ANXA4: variants seen among roughly 807,000 people sequenced by gnomAD.
ANXA4 encodes 35-beta calcimedin.
In ANXA4, 39 loss-of-function variants were observed where a neutral mutation model predicts 49.8. The ratio of observed to expected loss-of-function variants is 0.78; its 90% CI spans 0.61 to 1.02. The LOEUF (loss-of-function observed/expected upper bound fraction) is 1.02. Ranked by LOEUF, ANXA4 falls within the 50% of genes least tolerant of loss-of-function variation. ANXA4 has a pLI of 0.00. For missense variants in ANXA4, 360 were observed against 410.1 expected, an observed-to-expected ratio of 0.88 and a Z score of 1.05; for synonymous variants, 134 against 152.5, an observed-to-expected ratio of 0.88 and a Z score of 0.89.
chr2:69,796,349 TC>T, intron 3 of ANXA4, among the ~76,000 whole-genome samples: 1 of 152,272 alleles, frequency 6.6e-6, no homozygotes, highest in South Asian at 2.1e-4. Context: ...CTCCTGGGGC[TC>T]CTCCCAGTCC....
At chr2:69,742,277 C>T (rs1304891249) in intron 1 of ANXA4, 102 bp downstream of exon 1, 1 of 152,106 alleles carries the variant, frequency 6.6e-6, no homozygotes, top group Non-Finnish European at 1.5e-5. Context: ...CGCGCTGCAC[C>T]CCAGAGTGGG....
intron 2 of ANXA4, among the ~76,000 whole-genome samples, chr2:69,659,871 G>A (rs535058635): frequency 6.6e-6 from 1 of 152,164 alleles, no homozygotes. Flanking sequence ...GTGGCAGTGG[G>A]GGCTGGGGAG....
At chr2:69,719,439 A>AC (rs1669759669) in intron 2 of ANXA4, among the ~76,000 whole-genome samples, 1 of 150,352 alleles carries the variant, frequency 6.7e-6, no homozygotes. Context: ...ATTTTTAAAA[A>AC]TTATTATTAT....
chr2:69,708,161 T>A (rs1678557114), intron 2 of ANXA4, among the ~76,000 whole-genome samples: 1 of 152,186 alleles, frequency 6.6e-6, no homozygotes, highest in African/African-American at 2.4e-5. Context: ...ACAGCTCAGG[T>A]CCTGCAAGTA....
At position 69,826,396 on chromosome 2, in the gene ANXA4, G is replaced by C. The variant is rs1394690220; in HGVS notation, c.*881G>C. 1 of 152,572 alleles carries C rather than the reference G, an allele frequency of 6.6e-6. No individual in the cohort carries two copies. The highest frequency in any genetic ancestry group is 1.9e-4 in the East Asian group (1 of 5,204). The allele number at this position is 152,572 out of a possible 1,614,324, so 9.5% of individuals were successfully genotyped here. A position where few individuals can be genotyped will look rare whatever the true frequency, so the allele number is the denominator to read the frequency against. On this transcript the variant is annotated 3_prime_UTR_variant, in exon 13 of 13. Coordinates refer to ENST00000394295, the MANE Select transcript of ANXA4 (RefSeq NM_001153.5). ...GATTGTAGTAATTTCTATTTGCACT[G>C]TGCCTTTCAACTCCAGAAACATTCT...
chr2:69,677,246 T>C (rs1473016250), intron 2 of ANXA4, among the ~76,000 whole-genome samples: 1 of 152,212 alleles, frequency 6.6e-6, no homozygotes, highest in Non-Finnish European at 1.5e-5. Flanking sequence ...TATAATTTTT[T>C]TTGAGACAGA....
chr2:69,790,929 A>T (rs552027212), intron 3 of ANXA4, among the ~76,000 whole-genome samples: 1 of 152,352 alleles, frequency 6.6e-6, no homozygotes, highest in African/African-American at 2.4e-5. Context: ...GTTAAAAATA[A>T]TCTATGATAG....
rs189070391 is a variant in ANXA4 at position 69,794,656 on chromosome 2, G to T, written c.97+6515G>T. ...CAGCTCACTGCAAGCTCTGCCTTCC[G>T]AGTTCACGCCATTCTCTTGCCTCAG... On this transcript the variant is annotated intron_variant, in intron 3 of 12. Transcript: ENST00000394295. Among the ~76,000 whole-genome samples, 481 of 152,132 alleles carry T rather than the reference G, an allele frequency of 3.2e-3. 2 individuals are homozygous for T. Among genetic ancestry groups the T allele is most frequent in the African/African-American group, 0.01 (433 of 41,492 alleles).
intron 1 of ANXA4, chr2:69,652,923 G>T (rs1160109202): frequency 6.6e-6 from 1 of 152,190 alleles, no homozygotes; most frequent in African/African-American, 2.4e-5. Flanking sequence ...ATAGAGTGGG[G>T]TTCCTGAAAT....
intron 1 of ANXA4, among the ~76,000 whole-genome samples, chr2:69,759,360 A>G (rs1671183537): frequency 6.6e-6 from 1 of 152,232 alleles, no homozygotes; most frequent in Non-Finnish European, 1.5e-5. Context: ...CAGAAAGTAG[A>G]TGGTAAGTTT....
At chr2:69,795,478 A>G (rs987503255) in intron 3 of ANXA4, among the ~76,000 whole-genome samples, 1 of 152,122 alleles carries the variant, frequency 6.6e-6, no homozygotes, top group Non-Finnish European at 1.5e-5. Context: ...TCCATTCCCC[A>G]TTGGGTTTTT....
rs181971372 is a variant in ANXA4, at chr2:69,750,406, G to T, written c.-47+8231G>T. Among the ~76,000 whole-genome samples, 458 of 152,002 alleles carry T rather than the reference G, an allele frequency of 3.0e-3. 5 individuals carry two copies. Among genetic ancestry groups the T allele is most frequent in the Admixed American group, 8.4e-3 (128 of 15,258 alleles). On this transcript the variant is annotated intron_variant, in intron 1 of 12. Transcript: ENST00000394295. Reference sequence around the variant, plus strand: ...GGATGGTGGAGAAAGTTCTGCTTTTGGTTTTGTTTTGTTTTTGTTTTTCTA... The same window carrying T: ...GGATGGTGGAGAAAGTTCTGCTTTTTGTTTTGTTTTGTTTTTGTTTTTCTA...
chr2:69,757,395 C>A (rs1224336637), intron 1 of ANXA4, among the ~76,000 whole-genome samples: 4 of 145,750 alleles, frequency 2.7e-5, no homozygotes, highest in Non-Finnish European at 4.5e-5. Context: ...CCCAGCCTCC[C>A]TAGTAGCTGG....
At chr2:69,822,645 G>A (rs1387614155) in intron 12 of ANXA4, among the ~76,000 whole-genome samples, 3 of 152,202 alleles carry the variant, frequency 2.0e-5, no homozygotes, top group East Asian at 3.9e-4. Context: ...AATATACTAC[G>A]TGCAATAAAT....
intron 2 of ANXA4, among the ~76,000 whole-genome samples, chr2:69,706,957 A>C (rs2105399479): frequency 6.6e-6 from 1 of 152,284 alleles, no homozygotes; most frequent in East Asian, 1.9e-4. Flanking sequence ...TACATTGTAG[A>C]TATTCTGGTG....
At chr2:69,713,246 T>C (rs1260221971) in intron 2 of ANXA4, among the ~76,000 whole-genome samples, 1 of 152,158 alleles carries the variant, frequency 6.6e-6, no homozygotes, top group African/African-American at 2.4e-5. Flanking sequence ...CTCCATTCTT[T>C]GTTTCCATGA....
rs869068494 is a variant in ANXA4 at position 69,757,238 on chromosome 2, T to TTATA, written c.-47+15089_-47+15092dup. On this transcript the variant is annotated intron_variant, in intron 1 of 12. Transcript: ENST00000394295. ...GCCACCGTGCCCAGCCATTTTTGTT[T>TTATA]TATATATATATATATATATATATAT... Among the ~76,000 whole-genome samples the TTATA allele has an allele frequency of 1.3e-3, 75 of 59,060 alleles. 1 individual carries two copies. The highest frequency in any genetic ancestry group is 1.6e-3 in the South Asian group (2 of 1,262). The allele number at this position is 59,060 out of a possible 152,430, so 38.7% of individuals were successfully genotyped here.
At chr2:69,669,053 C>T (rs917220003) in intron 2 of ANXA4, among the ~76,000 whole-genome samples, 3 of 151,772 alleles carry the variant, frequency 2.0e-5, no homozygotes, top group Non-Finnish European at 4.4e-5. Context: ...TCTCCTGCCT[C>T]AGCCTCCCGA....
At chr2:69,691,575 A>G (rs139327176) in intron 2 of ANXA4, among the ~76,000 whole-genome samples, 1 of 738 alleles carries the variant, frequency 1.4e-3, no homozygotes, top group Non-Finnish European at 4.6e-3. Flanking sequence ...ACACACATGC[A>G]CACACACACA....
Sources: gnomAD v4.1 joint callset for allele counts (sites outside exome capture counted in the v4.1 genomes callset) on GRCh38, gnomAD v4.1.1 for gene constraint, MANE v1.5 for transcripts, NCBI Gene and HGNC (gene_info 2026-07-23, HGNC 2026-07-21) for gene names.